Variants in CAMK2D observed in about 807,000 individuals in gnomAD.
CAMK2D encodes calcium/calmodulin-dependent protein kinase type II subunit delta.
A neutral mutation model predicts 84.0 loss-of-function variants in CAMK2D; 37 were observed. That is an observed-to-expected ratio of 0.44 (90% confidence interval 0.34 to 0.58). The LOEUF is 0.58. Ranked by LOEUF, CAMK2D falls within the 20% of genes least tolerant of loss-of-function variation. CAMK2D has a pLI of 0.02. For missense variants in CAMK2D, 448 were observed against 652.5 expected, an observed-to-expected ratio of 0.69 and a Z score of 3.41; for synonymous variants, 202 against 212.5, an observed-to-expected ratio of 0.95 and a Z score of 0.43.
intron 16 of CAMK2D, among the ~76,000 whole-genome samples, chr4:113,483,711 T>A (rs900297974): frequency 3.9e-5 from 6 of 152,100 alleles, no homozygotes; most frequent in African/African-American, 1.4e-4. Flanking sequence ...TGGCCGTATT[T>A]ATTTTTTTAA....
chr4:113,712,164 G>A (rs1305188020), intron 2 of CAMK2D, among the ~76,000 whole-genome samples: 2 of 152,138 alleles, frequency 1.3e-5, no homozygotes, highest in Admixed American at 6.6e-5. Context: ...ATACTTTCAA[G>A]TATGTGAATG....
At chr4:113,507,253 TTTTTTTTTTTC>T (rs2098140306) in intron 13 of CAMK2D, among the ~76,000 whole-genome samples, 1 of 147,664 alleles carries the variant, frequency 6.8e-6, no homozygotes, top group Non-Finnish European at 1.5e-5. Flanking sequence ...ACAAATGTCT[TTTTTTTTTTTC>T]TTTGAGATGG....
At chr4:113,613,897 CG>C (rs1331220465) in intron 3 of CAMK2D, among the ~76,000 whole-genome samples, 1 of 148,310 alleles carries the variant, frequency 6.7e-6, no homozygotes, top group Non-Finnish European at 1.5e-5. Flanking sequence ...AGAGAGCGAG[CG>C]AGAGAGAGAG....
chr4:113,503,205 C>T (rs780418661), intron 14 of CAMK2D: 3 of 719,466 alleles, frequency 4.2e-6, no homozygotes, highest in Admixed American at 1.8e-5. Flanking sequence ...TGCAAAAGAC[C>T]TTATTCTTGA....
intron 2 of CAMK2D, among the ~76,000 whole-genome samples, chr4:113,665,682 T>C (rs2099254592): frequency 6.6e-6 from 1 of 152,244 alleles, no homozygotes; most frequent in Non-Finnish European, 1.5e-5. Flanking sequence ...TAATATTTAT[T>C]AAAGTCCTTG....
chr4:113,671,867 A>G (rs952084136), intron 2 of CAMK2D, among the ~76,000 whole-genome samples: 4 of 152,222 alleles, frequency 2.6e-5, no homozygotes, highest in African/African-American at 9.6e-5. Context: ...GGAATTTGTT[A>G]TTCTTTGTAG....
intron 2 of CAMK2D, among the ~76,000 whole-genome samples, chr4:113,749,661 G>A (rs1012805964): frequency 6.6e-6 from 1 of 152,100 alleles, no homozygotes; most frequent in African/African-American, 2.4e-5. Context: ...TTATTAAAGT[G>A]GTGCTGATGG....
intron 3 of CAMK2D, among the ~76,000 whole-genome samples, chr4:113,609,739 G>A (rs1210748237): frequency 1.3e-5 from 2 of 152,104 alleles, no homozygotes. Flanking sequence ...GTTCTAGGTG[G>A]CACTCCCTGG....
rs942278709 is a variant in CAMK2D at position 113,520,300 on chromosome 4, C to T, written c.602-2643G>A. Among the ~76,000 whole-genome samples the T allele has an allele frequency of 8.6e-5, 13 of 151,816 alleles. No homozygotes were observed. In the East Asian group the frequency reaches 9.7e-4, roughly 11 times the overall value. On this transcript the variant is annotated intron_variant, in intron 8 of 20. Transcript: ENST00000511664. ...GCACATGCCTTTAGTCTCAGCTACTCGGGAGGCTGAGGCAGGAGAATCGCT... is the reference window on the plus strand; with the variant it reads ...GCACATGCCTTTAGTCTCAGCTACTTGGGAGGCTGAGGCAGGAGAATCGCT...
chr4:113,676,806 AAT>A (rs2099320010), intron 2 of CAMK2D, among the ~76,000 whole-genome samples: 2 of 152,118 alleles, frequency 1.3e-5, no homozygotes, highest in African/African-American at 4.8e-5. Context: ...CTCTCCACAT[AAT>A]TTAGTTGCTT....
intron 6 of CAMK2D, among the ~76,000 whole-genome samples, chr4:113,547,243 T>G (rs1449447443): frequency 6.6e-6 from 1 of 152,200 alleles, no homozygotes; most frequent in Non-Finnish European, 1.5e-5. Context: ...CTCTACACAC[T>G]TTATAATTTT....
chr4:113,544,036 C>T (rs578190741), intron 6 of CAMK2D, among the ~76,000 whole-genome samples: 1 of 152,204 alleles, frequency 6.6e-6, no homozygotes, highest in South Asian at 2.1e-4. Context: ...CATGATCCAC[C>T]CGCCTTAAGC....
intron 16 of CAMK2D, among the ~76,000 whole-genome samples, chr4:113,489,883 T>C (rs1372390006): frequency 1.4e-5 from 2 of 141,118 alleles, no homozygotes; most frequent in African/African-American, 5.3e-5. Flanking sequence ...TGCATTTCTC[T>C]GATGGCCAGT....
chr4:113,460,373 C>T (rs1312939949), intron 17 of CAMK2D, 132 bp from the exon 18 acceptor site: 2 of 671,688 alleles, frequency 3.0e-6, no homozygotes, highest in African/African-American at 3.7e-5. Context: ...TACAAAAGTT[C>T]TATCATAAAC....
At chr4:113,657,955 T>C (rs2099209667) in intron 3 of CAMK2D, among the ~76,000 whole-genome samples, 1 of 152,324 alleles carries the variant, frequency 6.6e-6, no homozygotes, top group Non-Finnish European at 1.5e-5. Flanking sequence ...TTAGATATCA[T>C]ATTACCTATG....
chr4:113,513,483 A>AT (rs1451180591), intron 11 of CAMK2D, 113 bp from the exon 12 acceptor site: 25 of 778,848 alleles, frequency 3.2e-5, no homozygotes, highest in Non-Finnish European at 5.1e-5. Flanking sequence ...CAGTTAGGGG[A>AT]TTTTTTATTG....
chr4:113,661,691 A>T, intron 3 of CAMK2D, 22 bp downstream of exon 3: 1 of 1,163,156 alleles, frequency 8.6e-7, no homozygotes, highest in Middle Eastern at 2.2e-4. Flanking sequence ...ACATTTAAAA[A>T]ACATTAAAAA....
intron 17 of CAMK2D, among the ~76,000 whole-genome samples, 187 bp downstream of exon 17, chr4:113,465,342 T>C (rs1323129749): frequency 1.3e-5 from 2 of 150,240 alleles, no homozygotes; most frequent in African/African-American, 4.8e-5. Flanking sequence ...CTCTGAAATC[T>C]TTTCTCTGAA....
intron 2 of CAMK2D, among the ~76,000 whole-genome samples, chr4:113,686,203 T>C (rs1042027512): frequency 6.6e-6 from 1 of 152,176 alleles, no homozygotes; most frequent in African/African-American, 2.4e-5. Flanking sequence ...ATTATCAAAA[T>C]ATTTTCAGAT....
Sources: allele counts gnomAD v4.1 joint callset (sites outside exome capture counted in the v4.1 genomes callset), GRCh38; gene constraint gnomAD v4.1.1; transcripts MANE v1.5; gene names NCBI Gene and HGNC (gene_info 2026-07-23, HGNC 2026-07-21).